The following TEX15 variants were observed in gnomAD, a reference collection of about 807,000 sequenced individuals.
TEX15 encodes the protein testis-expressed protein 15.
In TEX15, 171 loss-of-function variants were observed where a neutral mutation model predicts 237.3. The observed-to-expected ratio is 0.72, with a 90% confidence interval of 0.64 to 0.82. The LOEUF is 0.82. TEX15 is among the 40% of genes least tolerant of loss of function. The probability of loss-of-function intolerance (pLI) is 0.00; values close to 1 mark genes in which losing one functional copy is unlikely to be tolerated. For missense variants in TEX15, 3,750 were observed against 3,646.5 expected, an observed-to-expected ratio of 1.03 and a Z score of -0.73; for synonymous variants, 1,338 against 1,269.8, an observed-to-expected ratio of 1.05 and a Z score of -1.14.
In TEX15 at chr8:30,843,680, A is replaced by G; in HGVS notation, c.6487T>C (p.Tyr2163His). ...CGTTTGTACTTTAAGAATACATAGTATGAATTCTTTTCCCTTTTTGTTTCT... is the reference window on the plus strand; with the variant it reads ...CGTTTGTACTTTAAGAATACATAGTGTGAATTCTTTTCCCTTTTTGTTTCT... Reference protein sequence around the residue: ...LEETKREKNSYYVFLKYKRQV... With the variant: ...LEETKREKNSHYVFLKYKRQV... Residue 2163 changes from tyrosine to histidine, a missense_variant, in exon 8 of 11, where the codon TAC becomes CAC. Coordinates refer to ENST00000643185, the MANE Select transcript of TEX15 (RefSeq NM_001350162.2). 6.2e-7 allele frequency: 1 copy of G among 1,612,436 alleles called. No individual in the cohort carries two copies. The highest frequency in any genetic ancestry group is 8.5e-7 in the Non-Finnish European group (1 of 1,179,388).
At chr8:30,840,436 T>A (rs1470185574) in intron 8 of TEX15, among the ~76,000 whole-genome samples, 1 of 152,176 alleles carries the variant, frequency 6.6e-6, no homozygotes, top group Non-Finnish European at 1.5e-5. Flanking sequence ...CCTCAGGTGA[T>A]CCATCTGCCT....
At chr8:30,866,750 C>A (rs1438659883) in intron 5 of TEX15, among the ~76,000 whole-genome samples, 1 of 151,678 alleles carries the variant, frequency 6.6e-6, no homozygotes, top group Admixed American at 6.6e-5. Flanking sequence ...CACACGCATG[C>A]ACAAAATAGT....
intron 2 of TEX15, among the ~76,000 whole-genome samples, chr8:30,891,800 A>G (rs192158245): frequency 6.6e-6 from 1 of 152,122 alleles, no homozygotes; most frequent in African/African-American, 2.4e-5. Flanking sequence ...TGTACTAAGT[A>G]TATTTATTGG....
At chr8:30,855,647 T>A (rs898815510) in intron 7 of TEX15, among the ~76,000 whole-genome samples, 12 of 152,202 alleles carry the variant, frequency 7.9e-5, no homozygotes, top group African/African-American at 2.9e-4. Flanking sequence ...TGTATGCGAA[T>A]ATTCATAGCA....
rs776456134 is a variant in TEX15 at position 30,844,428 on chromosome 8, G to A, written c.5739C>T (p.Asn1913=). The A allele has an allele frequency of 6.2e-7, 1 of 1,612,108 alleles. No homozygotes were observed. The highest frequency in any genetic ancestry group is 8.5e-7 in the Non-Finnish European group (1 of 1,179,256). Residue 1913 remains asparagine, a synonymous_variant, in exon 8 of 11, where the codon AAC becomes AAT. Transcript: ENST00000643185. Reference sequence around the variant, plus strand: ...TTTTGTTAAGCGGATTAGAAACTGTGTTCTTCAAAGGGACTGACTCAGTGG... The same window carrying A: ...TTTTGTTAAGCGGATTAGAAACTGTATTCTTCAAAGGGACTGACTCAGTGG... ...NTTTESVPLK[N]TVSNPLNKRE... is the part of the protein sequence containing the mutation.
At chr8:30,894,528 T>C (rs916593817) in intron 2 of TEX15, among the ~76,000 whole-genome samples, 4 of 152,182 alleles carry the variant, frequency 2.6e-5, no homozygotes, top group African/African-American at 7.2e-5. Context: ...ACCAATAAAA[T>C]AGGAAGAAGA....
At chr8:30,907,443 CAATGTATATATAAATTATATACAA>C (rs59547825) in intron 1 of TEX15, among the ~76,000 whole-genome samples, 26 of 120,590 alleles carry the variant, frequency 2.2e-4, no homozygotes, top group Non-Finnish European at 3.2e-4. Flanking sequence ...TTTATATATA[CAATGTATATATAAATTATATACAA>C]AATGTATATA....
chr8:30,884,971 ATTTC>A (rs1220746035), intron 3 of TEX15, among the ~76,000 whole-genome samples: 15 of 152,176 alleles, frequency 9.9e-5, no homozygotes, highest in South Asian at 4.2e-4. Context: ...AATGCTATAA[ATTTC>A]TTTCTAAGTA....
chr8:30,837,879 G>A lies in TEX15; in HGVS notation c.8405C>T (p.Thr2802Ile), dbSNP rs1458214094. The A allele has an allele frequency of 3.1e-6, 5 of 1,614,158 alleles. No homozygotes were observed. The South Asian group carries it at 5.5e-5, about 18-fold the overall frequency. ...TCCACTGAAGTGATCAGATGAAACA[G>A]TTAAGTCTATTTTGCTTTCCGACTT... ...ASKSESKIDL[T>I]VSSDHFSGQQ... is the part of the protein sequence containing the mutation. The change falls in exon 10 of 11, where the codon ACT (threonine) becomes ATT (isoleucine). Residue 2802 changes from threonine (T) to isoleucine (I), a missense_variant. Thr to Ile is a moderately conservative substitution (Grantham distance 89). Transcript: ENST00000643185.
At chr8:30,858,177 C>G (rs1207481183) in intron 7 of TEX15, among the ~76,000 whole-genome samples, 1 of 152,184 alleles carries the variant, frequency 6.6e-6, no homozygotes, top group African/African-American at 2.4e-5. Context: ...ACTACAGTTA[C>G]ACATATCAAT....
chr8:30,893,494 A>G (rs1808836170), intron 2 of TEX15, among the ~76,000 whole-genome samples: 1 of 152,110 alleles, frequency 6.6e-6, no homozygotes, highest in Admixed American at 6.5e-5. Flanking sequence ...TACCTAGTGC[A>G]ATGTTGAATA....
In TEX15 at chr8:30,842,251, C is replaced by T. The variant is rs772957186; in HGVS notation, c.7916G>A (p.Cys2639Tyr). 1.9e-6 allele frequency: 3 copies of T among 1,613,514 alleles called. No homozygotes were observed. Among genetic ancestry groups the T allele is most frequent in the Admixed American group, 3.3e-5 (2 of 59,984 alleles). ...NAELTISFFL[C>Y]QMLYNRRKIL... ...CTTCCTTCTGTTATACAGCATTTGG[C>T]ATAGGAAAAAGGAAATGGTTAGTTC... The change falls in exon 8 of 11, where the codon TGC (cysteine) becomes TAC (tyrosine). Residue 2639 changes from cysteine to tyrosine, a missense_variant. Coordinates refer to ENST00000643185, the MANE Select transcript of TEX15 (RefSeq NM_001350162.2).
Position 30,846,922 on chromosome 8 carries a change from T to C in TEX15, c.3245A>G (p.Glu1082Gly). The C allele has an allele frequency of 1.2e-6, 2 of 1,613,746 alleles. No homozygotes were observed. Among genetic ancestry groups the C allele is most frequent in the South Asian group, 2.2e-5 (2 of 91,056 alleles). ...FIFQQDTHSHENMLCEEFVTS... is the reference protein window; with the variant it reads ...FIFQQDTHSHGNMLCEEFVTS... The stretch of plus-strand genomic sequence containing the variant: ...CACAAATTCTTCACAAAGCATGTTT[T>C]CATGGCTATGTGTATCTTGTTGAAA... The change falls in exon 8 of 11, where the codon GAA becomes GGA. Residue 1082 changes from glutamate to glycine, a missense_variant. Transcript: ENST00000643185.
chr8:30,842,295 C>T lies in TEX15; in HGVS notation c.7872G>A (p.Met2624Ile). ...TTAGTTCAGCATTTTTAGTACATAT[C>T]ATCTTCATATGTTCAATCGTTTTCA... ...KVMKTIEHMK[M>I]ICTKNAELTI... is the part of the protein sequence containing the mutation. Residue 2624 changes from methionine to isoleucine, a missense_variant, in exon 8 of 11, where the codon ATG becomes ATA. Coordinates refer to ENST00000643185, the MANE Select transcript of TEX15 (RefSeq NM_001350162.2). 1.9e-6 allele frequency: 3 copies of T among 1,613,688 alleles called. No homozygotes were observed. Among genetic ancestry groups the T allele is most frequent in the Non-Finnish European group, 2.5e-6 (3 of 1,179,818 alleles).
chr8:30,879,579 A>G (rs1222695404), intron 3 of TEX15, among the ~76,000 whole-genome samples: 1 of 152,220 alleles, frequency 6.6e-6, no homozygotes, highest in Non-Finnish European at 1.5e-5. Context: ...AAGAAAATCA[A>G]TTGAGCATAT....
chr8:30,843,309 G>T lies in TEX15; in HGVS notation c.6858C>A (p.Ser2286=). The change falls in exon 8 of 11, where the codon TCC becomes TCA. Residue 2286 remains serine, a synonymous_variant. Transcript: ENST00000643185. ...KNLVWKERTQ[S]FSKKYSQKKD... ...TCTTTTGTGAGTATTTTTTGCTGAA[G>T]GATTGTGTTCTCTCTTTCCAAACAA... 3 of 1,611,164 alleles carry T rather than the reference G, an allele frequency of 1.9e-6. No individual in the cohort carries two copies. Among genetic ancestry groups the T allele is most frequent in the Non-Finnish European group, 2.5e-6 (3 of 1,179,078 alleles).
At position 30,847,864 on chromosome 8, in the gene TEX15, G is replaced by T. The variant is rs1451573229; in HGVS notation, c.2303C>A (p.Pro768Gln). 1 of 1,613,844 alleles carries T rather than the reference G, an allele frequency of 6.2e-7. No individual in the cohort carries two copies. The highest frequency in any genetic ancestry group is 1.1e-5 in the South Asian group (1 of 91,080). ...ASIITEAFPKPKDIPQAKEMF... is the reference protein window; with the variant it reads ...ASIITEAFPKQKDIPQAKEMF... ...TTCTTTGGCCTGGGGTATGTCTTTTGGTTTCGGGAAAGCTTCAGTTATAAT... is the reference window on the plus strand; with the variant it reads ...TTCTTTGGCCTGGGGTATGTCTTTTTGTTTCGGGAAAGCTTCAGTTATAAT... Residue 768 changes from proline (P) to glutamine (Q), a missense_variant, in exon 8 of 11, where the codon CCA becomes CAA. By Grantham distance (76) the Pro-to-Gln change is moderately conservative (BLOSUM62 -1). Transcript: ENST00000643185.
chr8:30,858,793 A>G lies in TEX15; in HGVS notation c.725T>C (p.Val242Ala). The G allele has an allele frequency of 6.5e-7, 1 of 1,535,538 alleles. No homozygotes were observed. The highest frequency in any genetic ancestry group is 8.7e-7 in the Non-Finnish European group (1 of 1,146,646). The stretch of plus-strand genomic sequence containing the variant: ...TGGAAGACATTGCCTAGGTTTATCT[A>G]CAGGCTTTGAAAGGACACTGTATTC... ...FYEYSVLSKP[V>A]DKPRQCLPYA... Residue 242 changes from valine to alanine, a missense_variant, in exon 7 of 11, where the codon GTA becomes GCA. Val to Ala is a moderately conservative substitution (Grantham distance 64). Transcript: ENST00000643185.
Position 30,848,649 on chromosome 8 carries a change from T to A in TEX15, c.1518A>T (p.Ser506=). ...TPCFKTSVND[S]QSWAHNMGSE... ...AGCCCATGTTGTGAGCCCAAGATTG[T>A]GAATCATTAACAGAAGTTTTAAAGC... Residue 506 remains serine (S), a synonymous_variant, in exon 8 of 11, where the codon TCA becomes TCT. Coordinates refer to ENST00000643185, the MANE Select transcript of TEX15 (RefSeq NM_001350162.2). 6.2e-7 allele frequency: 1 copy of A among 1,614,154 alleles called. No homozygotes were observed.
Sources: gnomAD v4.1 joint callset for allele counts (sites outside exome capture counted in the v4.1 genomes callset) on GRCh38, gnomAD v4.1.1 for gene constraint, MANE v1.5 for transcripts, NCBI Gene and HGNC (gene_info 2026-07-23, HGNC 2026-07-21) for gene names.